Variants in MARCHF1 observed in about 807,000 individuals in gnomAD.
MARCHF1 encodes the protein E3 ubiquitin-protein ligase MARCHF1.
In MARCHF1, 40 loss-of-function variants were observed where a neutral mutation model predicts 54.2. The ratio of observed to expected loss-of-function variants is 0.74; its 90% CI spans 0.57 to 0.96. The LOEUF (loss-of-function observed/expected upper bound fraction) is 0.96, where lower values mean the gene tolerates loss of function less well. Ranked by LOEUF, MARCHF1 falls within the 40% of genes least tolerant of loss-of-function variation. The pLI is 0.00. For missense variants in MARCHF1, 586 were observed against 656.5 expected, an observed-to-expected ratio of 0.89 and a Z score of 1.17; for synonymous variants, 236 against 236.3, an observed-to-expected ratio of 1.00 and a Z score of 0.01.
chr4:164,240,782 T>C (rs572790253), intron 1 of MARCHF1, among the ~76,000 whole-genome samples: 5 of 152,230 alleles, frequency 3.3e-5, no homozygotes, highest in Admixed American at 6.5e-5. Flanking sequence ...AGGATGATAG[T>C]AGCTATCATG....
intron 1 of MARCHF1, among the ~76,000 whole-genome samples, chr4:164,211,398 A>T (rs1352686370): frequency 7.9e-6 from 1 of 126,916 alleles, no homozygotes; most frequent in Non-Finnish European, 1.9e-5. Flanking sequence ...ACACACACAC[A>T]TATATATATA....
intron 1 of MARCHF1, among the ~76,000 whole-genome samples, chr4:164,167,668 A>G (rs1033117970): frequency 3.3e-5 from 5 of 151,968 alleles, no homozygotes; most frequent in Admixed American, 2.6e-4. Context: ...CCAGGAGGAC[A>G]TAGTGGGGAA....
At chr4:163,725,845 C>G (rs1307065164) in intron 4 of MARCHF1, among the ~76,000 whole-genome samples, 1 of 152,198 alleles carries the variant, frequency 6.6e-6, no homozygotes, top group Non-Finnish European at 1.5e-5. Context: ...AGTTTTTAGC[C>G]TAACATACAG....
chr4:163,807,138 A>T (rs1339146231), intron 4 of MARCHF1, among the ~76,000 whole-genome samples: 1 of 152,234 alleles, frequency 6.6e-6, no homozygotes, highest in Non-Finnish European at 1.5e-5. Context: ...GATACTTTGT[A>T]AAATGCTTAT....
chr4:163,658,326 T>C (rs1294144559), intron 5 of MARCHF1, among the ~76,000 whole-genome samples: 2 of 151,862 alleles, frequency 1.3e-5, no homozygotes, highest in African/African-American at 4.8e-5. Flanking sequence ...AAAAGATCAT[T>C]AGAGAAATGC....
chr4:164,224,043 A>T (rs1389971773), intron 1 of MARCHF1, among the ~76,000 whole-genome samples: 1 of 150,322 alleles, frequency 6.7e-6, no homozygotes, highest in African/African-American at 2.5e-5. Context: ...CTTTTACAGC[A>T]TCTTTCCATA....
Position 164,154,891 on chromosome 4 carries a change from A to AT in MARCHF1, c.-322-43230dup, listed in dbSNP as rs1258754591. ...CTTGAAGGATGAATATGGGGGTTTT[A>AT]TTGAGTGGTGGAGGTGGCTCTCAGC... On this transcript the variant is annotated intron_variant, in intron 1 of 9. Transcript: ENST00000514618. Among the ~76,000 whole-genome samples, 9 of 152,240 alleles carry AT rather than the reference A, an allele frequency of 5.9e-5. 1 individual carries two copies. In the Middle Eastern group the frequency reaches 0.014, roughly 230 times the overall value.
intron 1 of MARCHF1, among the ~76,000 whole-genome samples, chr4:164,371,821 A>G (rs1731045383): frequency 6.6e-6 from 1 of 152,230 alleles, no homozygotes; most frequent in South Asian, 2.1e-4. Context: ...ATCCCACTAC[A>G]ACATTTTCAC....
chr4:164,023,350 G>C (rs1753704537), intron 2 of MARCHF1, among the ~76,000 whole-genome samples: 1 of 152,120 alleles, frequency 6.6e-6, no homozygotes, highest in South Asian at 2.1e-4. Flanking sequence ...ACACTACAGA[G>C]CACTGCTTGC....
At chr4:164,133,008 T>G (rs1291606045) in intron 1 of MARCHF1, among the ~76,000 whole-genome samples, 1 of 152,186 alleles carries the variant, frequency 6.6e-6, no homozygotes, top group Admixed American at 6.6e-5. Flanking sequence ...TTTAGCTTCC[T>G]TGCTTTCTGA....
At chr4:163,955,005 C>A (rs895191433) in intron 3 of MARCHF1, among the ~76,000 whole-genome samples, 1 of 151,932 alleles carries the variant, frequency 6.6e-6, no homozygotes, top group African/African-American at 2.4e-5. Flanking sequence ...CAGATTTTAG[C>A]AACATTCTTT....
intron 1 of MARCHF1, among the ~76,000 whole-genome samples, chr4:164,276,289 A>C (rs1417078555): frequency 6.6e-6 from 1 of 152,094 alleles, no homozygotes; most frequent in Non-Finnish European, 1.5e-5. Context: ...TCTTTCTTGA[A>C]TTCAGTCAAA....
intron 1 of MARCHF1, among the ~76,000 whole-genome samples, chr4:164,316,203 G>A (rs939633830): frequency 4.6e-5 from 7 of 152,274 alleles, no homozygotes; most frequent in African/African-American, 1.4e-4. Flanking sequence ...TGGAAGTCAG[G>A]TTTACCCACT....
At chr4:164,144,009 G>A (rs185233945) in intron 1 of MARCHF1, among the ~76,000 whole-genome samples, 134 of 152,196 alleles carry the variant, frequency 8.8e-4, no homozygotes, top group African/African-American at 2.9e-3. Flanking sequence ...CAAAAAGGCA[G>A]GGGTTGCAAT....
intron 2 of MARCHF1, among the ~76,000 whole-genome samples, chr4:163,993,798 G>T (rs961486736): frequency 6.6e-6 from 1 of 151,956 alleles, no homozygotes; most frequent in East Asian, 1.9e-4. Flanking sequence ...TTTAAAAAGG[G>T]TAACATGTTA....
intron 3 of MARCHF1, among the ~76,000 whole-genome samples, chr4:163,917,926 T>G (rs751924153): frequency 2.0e-5 from 3 of 152,196 alleles, no homozygotes; most frequent in South Asian, 4.1e-4. Context: ...TTTTAGTTTT[T>G]GTTGCAATTG....
intron 4 of MARCHF1, among the ~76,000 whole-genome samples, chr4:163,741,011 T>A (rs1042262384): frequency 1.3e-5 from 2 of 152,172 alleles, no homozygotes; most frequent in Non-Finnish European, 2.9e-5. Context: ...TTCTCTATAG[T>A]CTCCTTATTG....
At chr4:163,539,962 GT>G (rs1052729895) in intron 9 of MARCHF1, among the ~76,000 whole-genome samples, 3 of 152,002 alleles carry the variant, frequency 2.0e-5, no homozygotes, top group African/African-American at 7.2e-5. Flanking sequence ...TGGGGTCCTG[GT>G]TCCTCTCCCC....
At chr4:164,069,477 C>A (rs1477530861) in intron 2 of MARCHF1, among the ~76,000 whole-genome samples, 1 of 151,954 alleles carries the variant, frequency 6.6e-6, no homozygotes, top group Non-Finnish European at 1.5e-5. Context: ...AGCTTCCCTG[C>A]TGAAGCCAGT....
Sources: allele counts gnomAD v4.1 joint callset (sites outside exome capture counted in the v4.1 genomes callset), GRCh38; gene constraint gnomAD v4.1.1; transcripts MANE v1.5; gene names NCBI Gene and HGNC (gene_info 2026-07-23, HGNC 2026-07-21).